The following SV2C variants were observed in gnomAD, a reference collection of about 807,000 sequenced individuals.
SV2C encodes the protein solute carrier family 22 member B3.
SV2C carries 49 observed loss-of-function variants against 79.7 expected under a neutral mutation model. The observed-to-expected ratio is 0.61, with a 90% CI of 0.49 to 0.78. The LOEUF (loss-of-function observed/expected upper bound fraction) is 0.78, where lower values mean the gene tolerates loss of function less well. SV2C is among the 30% of genes least tolerant of loss of function. The pLI, the probability that SV2C is intolerant of heterozygous loss-of-function variation, is 0.00. For missense variants in SV2C, 833 were observed against 912.9 expected (o/e 0.91, Z 1.13); for synonymous variants, 334 against 333.2 (o/e 1.00, Z -0.03).
At chr5:75,891,727 T>C in the SV2C span, among the ~76,000 whole-genome samples, 128 of 152,260 alleles carry the variant, frequency 8.4e-4, no homozygotes, top group African/African-American at 3.0e-3. Flanking sequence ...TTTTGAGATA[T>C]CAGCCTTGCA....
the SV2C span, among the ~76,000 whole-genome samples, chr5:75,958,568 T>C: frequency 1.8e-4 from 28 of 152,164 alleles, no homozygotes; most frequent in South Asian, 5.2e-3. Flanking sequence ...TCCTTCGCCC[T>C]GACTTTGGGA....
At chr5:76,003,945 G>A in the SV2C span, among the ~76,000 whole-genome samples, 272 of 152,176 alleles carry the variant, frequency 1.8e-3, 4 homozygotes, top group African/African-American at 6.0e-3. Flanking sequence ...GAAACCAGAG[G>A]AGAAGGGAGG....
chr5:75,899,289 A>G, the SV2C span, among the ~76,000 whole-genome samples: 1 of 152,148 alleles, frequency 6.6e-6, no homozygotes, highest in Non-Finnish European at 1.5e-5. Context: ...TGTTGGTTTC[A>G]AAGAACATCT....
the SV2C span, among the ~76,000 whole-genome samples, chr5:76,049,253 C>A: frequency 1.5e-4 from 22 of 147,802 alleles, no homozygotes; most frequent in Non-Finnish European, 3.0e-4. Flanking sequence ...AGGAGAATGG[C>A]GTGAACCCGG....
At chr5:76,116,981 G>A (rs1472422423) in intron 1 of SV2C, among the ~76,000 whole-genome samples, 1 of 152,142 alleles carries the variant, frequency 6.6e-6, no homozygotes, top group Non-Finnish European at 1.5e-5. Flanking sequence ...CAGATCTACA[G>A]AAGGATATGG....
chr5:76,295,784 T>C lies in SV2C; in HGVS notation c.1344T>C (p.Tyr448=), dbSNP rs538415666. The C allele has an allele frequency of 5.0e-6, 8 of 1,609,118 alleles. No individual in the cohort carries two copies. The highest frequency in any genetic ancestry group is 6.8e-6 in the Non-Finnish European group (8 of 1,178,792). The change falls in exon 9 of 13, where the codon TAT becomes TAC. Residue 448 remains tyrosine, a synonymous_variant. Coordinates refer to ENST00000502798, the MANE Select transcript of SV2C (RefSeq NM_014979.4). ...CATTTCTTTGTCTTTGCAGGTACTA[T>C]GGATTATCCGTTTGGTTCCCTGATG... The part of the protein sequence containing the change: ...IVWFTLSFGY[Y]GLSVWFPDVI...
chr5:76,322,832 A>G (rs946150698), intron 12 of SV2C, among the ~76,000 whole-genome samples: 1 of 152,228 alleles, frequency 6.6e-6, no homozygotes, highest in African/African-American at 2.4e-5. Context: ...CTGGCTAGCC[A>G]TATTCAGAAA....
the SV2C span, among the ~76,000 whole-genome samples, chr5:75,866,138 A>T: frequency 6.6e-6 from 1 of 152,174 alleles, no homozygotes; most frequent in Non-Finnish European, 1.5e-5. Flanking sequence ...GACAAAGAAG[A>T]TCAGTCTTTT....
Position 76,100,706 on chromosome 5 carries a change from G to A in SV2C, c.-102+17194G>A, listed in dbSNP as rs59196898. ...CTATCAGCCCTGTGCAACAGAGTGA[G>A]GATTCAGTAAAAGAAGTCCAGAACT... On this transcript the variant is annotated intron_variant, in intron 1 of 12. Coordinates refer to ENST00000502798, the MANE Select transcript of SV2C (RefSeq NM_014979.4). 1.7e-3 allele frequency among the ~76,000 whole-genome samples: 253 copies of A among 152,256 alleles called. 4 individuals carry two copies. The highest frequency in any genetic ancestry group is 0.011 in the Admixed American group (162 of 15,306).
At chr5:75,949,155 C>T in the SV2C span, among the ~76,000 whole-genome samples, 1 of 152,006 alleles carries the variant, frequency 6.6e-6, no homozygotes, top group South Asian at 2.1e-4. Context: ...TCCTGCTTCA[C>T]TTTCTGCCAT....
At chr5:76,171,049 C>A in intron 2 of SV2C, 1 of 138,852 alleles carries the variant, frequency 7.2e-6, no homozygotes, top group Middle Eastern at 2.2e-3. Context: ...GAGCGCCGCC[C>A]GGGAGGCAGC....
chr5:76,183,632 C>T (rs546226929), intron 2 of SV2C, among the ~76,000 whole-genome samples: 1 of 152,258 alleles, frequency 6.6e-6, no homozygotes, highest in East Asian at 1.9e-4. Context: ...AAGCTCAACT[C>T]CTTGTGTTGA....
At chr5:76,053,750 A>T in the SV2C span, among the ~76,000 whole-genome samples, 1 of 152,086 alleles carries the variant, frequency 6.6e-6, no homozygotes, top group Admixed American at 6.6e-5. Flanking sequence ...GGCAGTGTGT[A>T]TCTTGAAGAG....
chr5:75,857,828 C>T, the SV2C span, among the ~76,000 whole-genome samples: 2 of 151,876 alleles, frequency 1.3e-5, no homozygotes, highest in African/African-American at 2.4e-5. Flanking sequence ...CACTTATTTG[C>T]CTTAGTTAAT....
At chr5:75,920,881 C>A in the SV2C span, 2 of 757,280 alleles carry the variant, frequency 2.6e-6, no homozygotes, top group Non-Finnish European at 2.5e-6. Context: ...GCTGGGTCAG[C>A]GAAGGTCAGG....
chr5:76,190,777 T>C (rs920557647), intron 2 of SV2C, among the ~76,000 whole-genome samples: 2 of 152,130 alleles, frequency 1.3e-5, no homozygotes, highest in African/African-American at 4.8e-5. Context: ...TAATAACATC[T>C]AAAAAAATGA....
chr5:75,951,557 G>C, the SV2C span, among the ~76,000 whole-genome samples: 2 of 151,984 alleles, frequency 1.3e-5, no homozygotes, highest in African/African-American at 2.4e-5. Flanking sequence ...CATGCTTCAA[G>C]GGGTTCTCTG....
the SV2C span, among the ~76,000 whole-genome samples, chr5:75,891,942 G>A: frequency 6.6e-6 from 1 of 152,044 alleles, no homozygotes; most frequent in African/African-American, 2.4e-5. Flanking sequence ...ATTAAAAACA[G>A]CTTAGGGCCA....
chr5:76,049,517 A>G, the SV2C span, among the ~76,000 whole-genome samples: 1 of 152,166 alleles, frequency 6.6e-6, no homozygotes, highest in East Asian at 1.9e-4. Context: ...CAAAGGGTGA[A>G]TGATGGTTGG....
Sources: allele counts gnomAD v4.1 joint callset (sites outside exome capture counted in the v4.1 genomes callset), GRCh38; gene constraint gnomAD v4.1.1; transcripts MANE v1.5; gene names NCBI Gene and HGNC (gene_info 2026-07-23, HGNC 2026-07-21).